The following SLC39A11 variants were observed in gnomAD, a reference collection of about 807,000 sequenced individuals.
SLC39A11 encodes zinc transporter ZIP11.
A neutral mutation model predicts 36.1 loss-of-function variants in SLC39A11; 33 were observed. The ratio of observed to expected loss-of-function variants is 0.91; its 90% CI spans 0.69 to 1.22. SLC39A11 has a LOEUF of 1.22. Among genes scored for constraint, SLC39A11 ranks in the 50% most tolerant of loss-of-function variants. The pLI, the probability that SLC39A11 is intolerant of heterozygous loss-of-function variation, is 0.00. For missense variants in SLC39A11, 432 were observed against 430.3 expected (o/e 1.00, Z -0.03); for synonymous variants, 166 against 170.3 (o/e 0.97, Z 0.20).
intron 6 of SLC39A11, among the ~76,000 whole-genome samples, chr17:72,774,742 G>C (rs1255507801): frequency 6.6e-6 from 1 of 152,178 alleles, no homozygotes; most frequent in Non-Finnish European, 1.5e-5. Flanking sequence ...CTTATTTGAA[G>C]AGGAAATAGT....
chr17:72,929,699 C>T (rs982677225), intron 5 of SLC39A11, among the ~76,000 whole-genome samples: 2 of 152,074 alleles, frequency 1.3e-5, no homozygotes, highest in African/African-American at 2.4e-5. Flanking sequence ...TCATAGCAGA[C>T]GACTCCCTTC....
chr17:72,898,850 ACT>A (rs1205791970), intron 5 of SLC39A11, among the ~76,000 whole-genome samples: 1 of 151,920 alleles, frequency 6.6e-6, no homozygotes, highest in Non-Finnish European at 1.5e-5. Context: ...CAGAACCCTC[ACT>A]CTTTCCCCTG....
chr17:72,741,626 G>C lies in SLC39A11; in HGVS notation c.602-4907C>G, dbSNP rs905021777. 8.5e-5 allele frequency among the ~76,000 whole-genome samples: 13 copies of C among 152,130 alleles called. 1 individual carries two copies. The highest frequency in any genetic ancestry group is 1.3e-4 in the Admixed American group (2 of 15,274). ...GAGGAGGCCTAATTTGGAGCCTAGA[G>C]GCCTAATGTGGAGCACTAGTATTTG... is the stretch of plus-strand genomic sequence containing the variant. On this transcript the variant is annotated intron_variant, in intron 6 of 9. Transcript: ENST00000255559.
chr17:72,663,451 C>T (rs532168363), intron 7 of SLC39A11, among the ~76,000 whole-genome samples: 5 of 152,314 alleles, frequency 3.3e-5, no homozygotes, highest in South Asian at 4.2e-4. Context: ...GATCAAGAAA[C>T]GGAACATCAC....
chr17:72,839,069 T>C (rs941545791), intron 6 of SLC39A11: 2 of 152,220 alleles, frequency 1.3e-5, no homozygotes, highest in East Asian at 3.9e-4. Context: ...AGGAATTCTT[T>C]AGAGGCTCAA....
intron 5 of SLC39A11, among the ~76,000 whole-genome samples, chr17:72,911,354 C>T (rs1169311046): frequency 6.6e-6 from 1 of 151,734 alleles, no homozygotes; most frequent in Non-Finnish European, 1.5e-5. Flanking sequence ...CAACACGGCA[C>T]ATGTATACAT....
Position 72,747,338 on chromosome 17 carries a change from G to A in SLC39A11, c.602-10619C>T, listed in dbSNP as rs542851779. Among the ~76,000 whole-genome samples the A allele has an allele frequency of 1.1e-3, 172 of 152,226 alleles. 2 individuals carry two copies. The highest frequency in any genetic ancestry group is 6.8e-3 in the Middle Eastern group (2 of 294). ...GCTAATTTTTGTATTTTTAGTAGAGGCGGGGTTTTTGCCATGTTGGCCAGG... is the reference window on the plus strand; with the variant it reads ...GCTAATTTTTGTATTTTTAGTAGAGACGGGGTTTTTGCCATGTTGGCCAGG... On this transcript the variant is annotated intron_variant, in intron 6 of 9. Coordinates refer to ENST00000255559, the MANE Select transcript of SLC39A11 (RefSeq NM_139177.4).
At chr17:72,855,045 C>CCT (rs2079565264) in intron 5 of SLC39A11, among the ~76,000 whole-genome samples, 1 of 152,176 alleles carries the variant, frequency 6.6e-6, no homozygotes, top group African/African-American at 2.4e-5. Flanking sequence ...TGGCTTCCTC[C>CCT]CTGCAGAGTG....
At chr17:72,917,291 T>C (rs2083386274) in intron 5 of SLC39A11, among the ~76,000 whole-genome samples, 1 of 152,246 alleles carries the variant, frequency 6.6e-6, no homozygotes, top group Non-Finnish European at 1.5e-5. Context: ...GCTAAGCATC[T>C]GTCAGGCGCC....
chr17:72,711,679 T>C (rs2073108837), intron 7 of SLC39A11, among the ~76,000 whole-genome samples: 1 of 152,148 alleles, frequency 6.6e-6, no homozygotes. Context: ...AGCCCTTGAG[T>C]GCAGGCGGTG....
chr17:72,755,285 G>C (rs1031038606), intron 6 of SLC39A11, among the ~76,000 whole-genome samples: 4 of 152,280 alleles, frequency 2.6e-5, no homozygotes, highest in African/African-American at 9.6e-5. Flanking sequence ...ATCAAAGTCA[G>C]ATTGCAAAGG....
intron 3 of SLC39A11, among the ~76,000 whole-genome samples, chr17:73,066,106 G>A (rs1420794531): frequency 1.3e-5 from 2 of 152,194 alleles, no homozygotes; most frequent in African/African-American, 2.4e-5. Context: ...GAGAACTAGA[G>A]ACTAGAGAAA....
intron 5 of SLC39A11, among the ~76,000 whole-genome samples, chr17:72,893,330 A>C (rs1396145568): frequency 6.6e-6 from 1 of 152,058 alleles, no homozygotes; most frequent in African/African-American, 2.4e-5. Context: ...GCGTGGTGAC[A>C]CATGCCTATA....
At chr17:72,757,552 G>A (rs971768909) in intron 6 of SLC39A11, among the ~76,000 whole-genome samples, 37 of 146,754 alleles carry the variant, frequency 2.5e-4, no homozygotes, top group Non-Finnish European at 1.5e-4. Context: ...GTCTCCCAGG[G>A]CAATGAAACC....
chr17:72,876,752 C>G (rs905563621), intron 5 of SLC39A11, among the ~76,000 whole-genome samples: 5 of 152,178 alleles, frequency 3.3e-5, no homozygotes, highest in African/African-American at 1.2e-4. Flanking sequence ...ATATAAACCC[C>G]CTAATTTTAG....
At chr17:73,057,810 G>A (rs1224635252) in intron 3 of SLC39A11, among the ~76,000 whole-genome samples, 2 of 152,162 alleles carry the variant, frequency 1.3e-5, no homozygotes, top group Admixed American at 6.5e-5. Context: ...ATTGGTAGGT[G>A]CCTGTAGTCC....
chr17:72,655,649 A>G (rs1015474380), intron 7 of SLC39A11, among the ~76,000 whole-genome samples: 5 of 152,166 alleles, frequency 3.3e-5, no homozygotes, highest in African/African-American at 1.2e-4. Flanking sequence ...GGAGCCGAGG[A>G]CACCTGTGGC....
intron 7 of SLC39A11, among the ~76,000 whole-genome samples, chr17:72,669,748 C>T (rs1264282469): frequency 6.6e-6 from 1 of 151,974 alleles, no homozygotes; most frequent in Non-Finnish European, 1.5e-5. Flanking sequence ...AATCCTAATA[C>T]TTTGAGAGAC....
intron 6 of SLC39A11, among the ~76,000 whole-genome samples, chr17:72,778,415 C>T (rs759678558): frequency 3.9e-5 from 6 of 152,220 alleles, no homozygotes; most frequent in Admixed American, 6.5e-5. Flanking sequence ...TAGTCTAATT[C>T]GTGTGGCTTT....
Sources: gnomAD v4.1 joint callset for allele counts (sites outside exome capture counted in the v4.1 genomes callset) on GRCh38, gnomAD v4.1.1 for gene constraint, MANE v1.5 for transcripts, NCBI Gene and HGNC (gene_info 2026-07-23, HGNC 2026-07-21) for gene names.